Variants in NRIP2 observed in about 807,000 individuals in gnomAD.
NRIP2 encodes nuclear receptor interacting protein 2.
A neutral mutation model predicts 34.1 loss-of-function variants in NRIP2; 27 were observed. The observed-to-expected ratio is 0.79, with a 90% CI of 0.58 to 1.09. The LOEUF (loss-of-function observed/expected upper bound fraction) is 1.09, where lower values mean the gene tolerates loss of function less well. Among genes scored for constraint, NRIP2 ranks in the 50% least tolerant of loss-of-function variants. NRIP2 has a pLI of 0.00. For missense variants in NRIP2, 385 were observed against 352.6 expected (o/e 1.09, Z -0.74); for synonymous variants, 145 against 146.9 (o/e 0.99, Z 0.09).
chr12:2,827,832 C>A lies in NRIP2; in HGVS notation c.700+94G>T. On this transcript the variant is annotated intron_variant, in intron 4 of 5. Coordinates refer to ENST00000337508, the MANE Select transcript of NRIP2 (RefSeq NM_031474.3). The surrounding 1 kb of genome is among the most constrained non-coding windows in gnomAD (Gnocchi z 4.0). ...ATAGTCAGAACATCTCTGGGAACTC[C>A]TCGTGCTGCAGGGAGTGAAAGTCTC... 2.5e-6 allele frequency: 4 copies of A among 1,605,162 alleles called. No individual in the cohort carries two copies. Among genetic ancestry groups the A allele is most frequent in the Non-Finnish European group, 3.4e-6 (4 of 1,176,268 alleles).
In NRIP2 at chr12:2,827,997, G is replaced by A. The variant is rs750422512; in HGVS notation, c.629C>T (p.Pro210Leu). The A allele has an allele frequency of 1.2e-6, 2 of 1,614,150 alleles. No individual in the cohort carries two copies. The highest frequency in any genetic ancestry group is 1.3e-5 in the African/African-American group (1 of 75,048). Reference protein sequence around the residue: ...KASAGDLAPGPPTQVEQLELQ... With the variant: ...KASAGDLAPGLPTQVEQLELQ... ...CTCCAACTGCTCCACCTGGGTTGGG[G>A]GCCCAGGGGCCAGGTCCCCAGCTGA... is the stretch of plus-strand genomic sequence containing the variant. The change falls in exon 4 of 6, where the codon CCC becomes CTC. Residue 210 changes from proline to leucine, a missense_variant. Physicochemically the swap from Pro to Leu is moderately conservative, Grantham distance 98. Transcript: ENST00000337508. The surrounding 1 kb of genome is among the most constrained non-coding windows in gnomAD (Gnocchi z 4.0).
intron 1 of NRIP2, among the ~76,000 whole-genome samples, chr12:2,831,413 A>G (rs755486405): frequency 2.0e-5 from 3 of 151,898 alleles, no homozygotes; most frequent in East Asian, 1.9e-4. Flanking sequence ...GTGAAACCCT[A>G]TTTCTACTAA....
chr12:2,831,026 C>A, intron 1 of NRIP2, 166 bp from the exon 2 acceptor site: 1 of 579,870 alleles, frequency 1.7e-6, no homozygotes, highest in South Asian at 2.8e-5. Context: ...CAGAGTAAGC[C>A]CCAGTATCAA....
rs1036369489 is a variant in NRIP2 at position 2,825,903 on chromosome 12, C to A, written c.*1304G>T. On this transcript the variant is annotated 3_prime_UTR_variant, in exon 6 of 6. Transcript: ENST00000337508. ...TCAGCCTTCCAAGTAGCTGGGATTA[C>A]AGGTGTTCACCACCATACCTGGCTA... 2.0e-5 allele frequency: 3 copies of A among 152,194 alleles called. No individual in the cohort carries two copies. The highest frequency in any genetic ancestry group is 6.5e-5 in the Admixed American group (1 of 15,268). 9.4% of individuals were successfully genotyped at this position (152,194 alleles called of 1,614,324 possible).
Position 2,827,645 on chromosome 12 carries a change from G to T in NRIP2, c.733C>A (p.Gln245Lys), listed in dbSNP as rs773735556. The change falls in exon 5 of 6, where the codon CAG (glutamine) becomes AAG (lysine). Residue 245 changes from glutamine (Q) to lysine (K), a missense_variant. Gln to Lys is a moderately conservative substitution (Grantham distance 53). Coordinates refer to ENST00000337508, the MANE Select transcript of NRIP2 (RefSeq NM_031474.3). This position sits in a 1 kb window ranked among gnomAD's most constrained non-coding sequence, Gnocchi z 4.0. The stretch of plus-strand genomic sequence containing the variant: ...CTTACCTTGAGAGAAAGCAGAGTCT[G>T]CAGGCCCAGGCAGAATTCAGGACTC... ...AESPEFCLGL[Q>K]TLLSLKCCID... is the part of the protein sequence containing the mutation. The T allele has an allele frequency of 1.9e-6, 3 of 1,614,188 alleles. No homozygotes were observed. The highest frequency in any genetic ancestry group is 8.5e-7 in the Non-Finnish European group (1 of 1,180,058).
rs1181235296 is a variant in NRIP2, at chr12:2,827,413, C to T, written c.754-114G>A. The T allele has an allele frequency of 2.0e-6, 3 of 1,519,246 alleles. No individual in the cohort carries two copies. The highest frequency in any genetic ancestry group is 2.6e-5 in the South Asian group (2 of 76,560). 94.1% of individuals were successfully genotyped at this position (1,519,246 alleles called of 1,614,324 possible). A position where few individuals can be genotyped will look rare whatever the true frequency, so the allele number is the denominator to read the frequency against. ...CAGCTTCCACCTGCCTTTTGCTCTT[C>T]CCCCATCCCCATTTCCCTAGACTCC... On this transcript the variant is annotated intron_variant, in intron 5 of 5. Transcript: ENST00000337508. This position sits in a 1 kb window ranked among gnomAD's most constrained non-coding sequence, Gnocchi z 4.0.
chr12:2,832,307 C>T (rs2098007235), intron 1 of NRIP2, among the ~76,000 whole-genome samples: 2 of 152,044 alleles, frequency 1.3e-5, no homozygotes, highest in Admixed American at 1.3e-4. Flanking sequence ...GAAGGTGATC[C>T]ACAGTCCACA....
chr12:2,829,817 C>A (rs1464559817), intron 2 of NRIP2, among the ~76,000 whole-genome samples: 1 of 147,246 alleles, frequency 6.8e-6, no homozygotes, highest in Non-Finnish European at 1.5e-5. Context: ...GTGGCTCACG[C>A]CTGTAATCCC....
chr12:2,834,087 G>A (rs2098016351), intron 1 of NRIP2, among the ~76,000 whole-genome samples: 1 of 152,222 alleles, frequency 6.6e-6, no homozygotes, highest in African/African-American at 2.4e-5. Flanking sequence ...AGAGGAGCCT[G>A]GAAGGTCCAT....
chr12:2,827,441 T>C lies in NRIP2; in HGVS notation c.754-142A>G. ...CCATCCCCATTTCCCTAGACTCCTG[T>C]TGAAGGGGGTGACCCAGTTCTCTTG... On this transcript the variant is annotated intron_variant, in intron 5 of 5. Coordinates refer to ENST00000337508, the MANE Select transcript of NRIP2 (RefSeq NM_031474.3). The surrounding 1 kb of genome is among the most constrained non-coding windows in gnomAD (Gnocchi z 4.0). The C allele has an allele frequency of 6.6e-7, 1 of 1,526,284 alleles. No individual in the cohort carries two copies. Among genetic ancestry groups the C allele is most frequent in the South Asian group, 1.3e-5 (1 of 75,960 alleles). 94.5% of individuals were successfully genotyped at this position (1,526,284 alleles called of 1,614,324 possible).
Position 2,827,529 on chromosome 12 carries a change from A to G in NRIP2, c.753+96T>C, listed in dbSNP as rs1469188354. The G allele has an allele frequency of 1.3e-6, 2 of 1,591,794 alleles. No homozygotes were observed. The highest frequency in any genetic ancestry group is 2.2e-5 in the East Asian group (1 of 44,758). ...AGCAAAGGGACAGTTGCCCATCTCT[A>G]AGTCACTCTCATCAGAACCTGGTCC... On this transcript the variant is annotated intron_variant, in intron 5 of 5. Transcript: ENST00000337508. The surrounding 1 kb of genome is among the most constrained non-coding windows in gnomAD (Gnocchi z 4.0).
intron 2 of NRIP2, 65 bp from the exon 3 acceptor site, chr12:2,828,479 C>A: frequency 8.4e-7 from 1 of 1,187,886 alleles, no homozygotes; most frequent in Non-Finnish European, 1.2e-6. Flanking sequence ...TTGGATCCTT[C>A]AGTTTCCCAG....
intron 1 of NRIP2, among the ~76,000 whole-genome samples, chr12:2,833,010 C>T (rs968638043): frequency 6.6e-6 from 1 of 151,894 alleles, no homozygotes; most frequent in Non-Finnish European, 1.5e-5. Flanking sequence ...AGGCTTCAGG[C>T]CCCTCCCGCT....
intron 2 of NRIP2, among the ~76,000 whole-genome samples, chr12:2,829,010 G>C (rs1161434236): frequency 1.3e-5 from 2 of 151,760 alleles, no homozygotes; most frequent in Non-Finnish European, 1.5e-5. Flanking sequence ...GACCAGCCTA[G>C]GCAACATAGC....
At chr12:2,829,247 A>G (rs968522549) in intron 2 of NRIP2, among the ~76,000 whole-genome samples, 2 of 152,242 alleles carry the variant, frequency 1.3e-5, no homozygotes, top group African/African-American at 4.8e-5. Context: ...TGAGTAACCA[A>G]GAAGTTCGCT....
chr12:2,827,295 C>G lies in NRIP2; in HGVS notation c.758G>C (p.Cys253Ser), dbSNP rs769869509. 20 of 1,613,382 alleles carry G rather than the reference C, an allele frequency of 1.2e-5. No homozygotes were observed. The highest frequency in any genetic ancestry group is 2.5e-6 in the Non-Finnish European group (3 of 1,179,840). ...GLQTLLSLKCCIDLEHGVLRL... is the reference protein window; with the variant it reads ...GLQTLLSLKCSIDLEHGVLRL... ...CAGCACTCCGTGCTCCAGGTCGATGCAGCACTGCGGGGTGTAGAGCAGTCA... is the reference window on the plus strand; with the variant it reads ...CAGCACTCCGTGCTCCAGGTCGATGGAGCACTGCGGGGTGTAGAGCAGTCA... The change falls in exon 6 of 6, where the codon TGC becomes TCC. Residue 253 changes from cysteine to serine, a missense_variant. Cys to Ser is a moderately radical substitution (Grantham distance 112, BLOSUM62 -1). Coordinates refer to ENST00000337508, the MANE Select transcript of NRIP2 (RefSeq NM_031474.3). The surrounding 1 kb of genome is among the most constrained non-coding windows in gnomAD (Gnocchi z 4.0).
intron 1 of NRIP2, among the ~76,000 whole-genome samples, chr12:2,833,815 A>G (rs933952322): frequency 6.6e-6 from 1 of 152,192 alleles, no homozygotes; most frequent in Admixed American, 6.5e-5. Flanking sequence ...AACTCTCCCA[A>G]CAATCCTATG....
At chr12:2,828,900 GATAA>G (rs1470659172) in intron 2 of NRIP2, among the ~76,000 whole-genome samples, 2 of 152,046 alleles carry the variant, frequency 1.3e-5, no homozygotes, top group Non-Finnish European at 2.9e-5. Flanking sequence ...AGAACTCCCA[GATAA>G]ATAAATCAAA....
intron 2 of NRIP2, 107 bp downstream of exon 2, chr12:2,830,601 C>G (rs1325320061): frequency 1.3e-5 from 16 of 1,264,028 alleles, no homozygotes; most frequent in Non-Finnish European, 1.7e-5. Context: ...GAGAGGTGCC[C>G]TTTCTCCCTC....
Sources: allele counts gnomAD v4.1 joint callset (sites outside exome capture counted in the v4.1 genomes callset), GRCh38; gene constraint gnomAD v4.1.1; non-coding constraint Gnocchi (gnomAD v3.1); transcripts MANE v1.5; gene names NCBI Gene and HGNC (gene_info 2026-07-23, HGNC 2026-07-21).